FOXP1: variants seen among roughly 807,000 people sequenced by gnomAD.
The protein encoded by FOXP1 is forkhead box protein P1.
FOXP1 carries 15 observed loss-of-function variants against 98.2 expected under a neutral mutation model. That is an observed-to-expected ratio of 0.15 (90% CI 0.10 to 0.24). The LOEUF is 0.24. Ranked by LOEUF, FOXP1 falls within the 10% of genes least tolerant of loss-of-function variation. The pLI is 1.00. For missense variants in FOXP1, 633 were observed against 848.5 expected (o/e 0.75, Z 3.15); for synonymous variants, 371 against 314.5 (o/e 1.18, Z -1.90).
At chr3:71,392,792 C>A (rs10865659) in intron 3 of FOXP1, among the ~76,000 whole-genome samples, 100,603 of 152,042 alleles carry the variant, frequency 0.66, 34,500 homozygotes, top group Non-Finnish European at 0.74. Flanking sequence ...TCACGCTAAC[C>A]TAAGTGGTAT....
intron 5 of FOXP1, among the ~76,000 whole-genome samples, chr3:71,208,536 T>TTCTGTGTGTG (rs10529764): frequency 0.31 from 46,710 of 149,276 alleles, 7,401 homozygotes; most frequent in East Asian, 0.43. Context: ...GCATTTAAGT[T>TTCTGTGTGTG]TGTGTGTGTG....
intron 3 of FOXP1, among the ~76,000 whole-genome samples, chr3:71,459,613 T>C (rs13082253): frequency 0.027 from 4,122 of 152,210 alleles, 102 homozygotes; most frequent in Middle Eastern, 0.048. Flanking sequence ...AGATATGGGG[T>C]TGTTGTTTTT....
intron 5 of FOXP1, among the ~76,000 whole-genome samples, chr3:71,215,237 G>A (rs1267390898): frequency 6.6e-6 from 1 of 152,108 alleles, no homozygotes; most frequent in African/African-American, 2.4e-5. Context: ...ATAAAATCAT[G>A]CTGTTCTGCA....
chr3:71,526,683 C>A (rs2043405672), intron 2 of FOXP1, among the ~76,000 whole-genome samples: 1 of 152,164 alleles, frequency 6.6e-6, no homozygotes, highest in African/African-American at 2.4e-5. Flanking sequence ...GAAAAACATT[C>A]CCAGCCAGGC....
At chr3:71,090,210 G>A (rs1015251138) in intron 7 of FOXP1, among the ~76,000 whole-genome samples, 2 of 152,016 alleles carry the variant, frequency 1.3e-5, no homozygotes, top group South Asian at 2.1e-4. Flanking sequence ...CAAATCTCTC[G>A]ATTCCTATTT....
intron 20 of FOXP1, among the ~76,000 whole-genome samples, chr3:70,961,968 C>T (rs1024251094): frequency 6.6e-6 from 1 of 152,138 alleles, no homozygotes. Flanking sequence ...TATGTGACTG[C>T]ATGTCACACA....
At chr3:71,306,657 C>T (rs1411781035) in intron 4 of FOXP1, among the ~76,000 whole-genome samples, 1 of 97,480 alleles carries the variant, frequency 1.0e-5, no homozygotes, top group African/African-American at 4.2e-5. Context: ...AAAAAAAAAA[C>T]GCTACTTAAC....
intron 6 of FOXP1, among the ~76,000 whole-genome samples, chr3:71,143,084 T>TGGCAATAACAATGGGTGGTGGTGAGGGAC (rs2060147774): frequency 6.6e-6 from 1 of 152,098 alleles, no homozygotes; most frequent in Admixed American, 6.6e-5. Context: ...TGCAAAAAGT[T>TGGCAATAACAATGGGTGGTGGTGAGGGAC]GGCAATAACA....
chr3:71,105,473 C>T (rs2057348141), intron 7 of FOXP1, among the ~76,000 whole-genome samples: 1 of 152,160 alleles, frequency 6.6e-6, no homozygotes, highest in African/African-American at 2.4e-5. Flanking sequence ...TGGTAATTAG[C>T]GAGGTGGGAG....
chr3:71,265,910 A>G (rs1318387693), intron 5 of FOXP1, among the ~76,000 whole-genome samples: 1 of 152,172 alleles, frequency 6.6e-6, no homozygotes. Flanking sequence ...CTCAGGAAAC[A>G]AGGATGCCAA....
At chr3:71,009,701 C>G (rs1351765188) in intron 12 of FOXP1, among the ~76,000 whole-genome samples, 1 of 152,010 alleles carries the variant, frequency 6.6e-6, no homozygotes, top group Non-Finnish European at 1.5e-5. Flanking sequence ...TTAAAGAGTG[C>G]CTAGTATGGG....
In FOXP1 at chr3:71,045,502, C is replaced by T. The variant is rs138138052; in HGVS notation, c.664+1440G>A. On this transcript the variant is annotated intron_variant, in intron 10 of 20. Transcript: ENST00000649528. The stretch of plus-strand genomic sequence containing the variant: ...TAAACCCAAAGGTGTAATTAACACA[C>T]GCTATGACATTCTGCAAGCACAAAA... Among the ~76,000 whole-genome samples, 228 of 152,294 alleles carry T rather than the reference C, an allele frequency of 1.5e-3. 1 individual carries two copies. The highest frequency in any genetic ancestry group is 4.6e-3 in the African/African-American group (193 of 41,562).
intron 11 of FOXP1, among the ~76,000 whole-genome samples, chr3:71,033,609 A>C (rs1312753749): frequency 6.0e-4 from 69 of 114,618 alleles, no homozygotes; most frequent in African/African-American, 3.1e-3. Flanking sequence ...AGTCAAAAAA[A>C]AAAAAAAAAA....
chr3:71,299,590 A>C (rs1180956043), intron 5 of FOXP1, among the ~76,000 whole-genome samples: 1 of 152,380 alleles, frequency 6.6e-6, no homozygotes, highest in South Asian at 2.1e-4. Flanking sequence ...CAGCTTCAAC[A>C]AACAGAGAAG....
intron 5 of FOXP1, among the ~76,000 whole-genome samples, chr3:71,258,439 T>C (rs1248003087): frequency 1.3e-5 from 2 of 152,202 alleles, no homozygotes; most frequent in African/African-American, 4.8e-5. Context: ...GTATAAGCTC[T>C]GTGAGCATTC....
chr3:71,153,230 G>A (rs2060659504), intron 6 of FOXP1, among the ~76,000 whole-genome samples: 1 of 152,124 alleles, frequency 6.6e-6, no homozygotes, highest in African/African-American at 2.4e-5. Context: ...GCCCTCTCAG[G>A]AGCAGAGCTC....
At chr3:71,527,338 AC>A (rs1373653172) in intron 2 of FOXP1, among the ~76,000 whole-genome samples, 2 of 152,204 alleles carry the variant, frequency 1.3e-5, no homozygotes, top group Admixed American at 1.3e-4. Context: ...CAAAATCAAG[AC>A]AGACAGAGCC....
chr3:71,262,016 C>T (rs1052558080), intron 5 of FOXP1, among the ~76,000 whole-genome samples: 10 of 151,954 alleles, frequency 6.6e-5, no homozygotes, highest in Admixed American at 3.9e-4. Context: ...GCCTGTAATC[C>T]TAGCATTTTG....
chr3:71,266,283 T>C (rs1410812058), intron 5 of FOXP1, among the ~76,000 whole-genome samples: 1 of 152,176 alleles, frequency 6.6e-6, no homozygotes, highest in East Asian at 1.9e-4. Flanking sequence ...TCTCACTCTG[T>C]TGCCCAGGCT....
Sources: allele counts gnomAD v4.1 joint callset (sites outside exome capture counted in the v4.1 genomes callset), GRCh38; gene constraint gnomAD v4.1.1; transcripts MANE v1.5; gene names NCBI Gene and HGNC (gene_info 2026-07-23, HGNC 2026-07-21).